Variants in PCDHGA6 observed in about 807,000 individuals in gnomAD.
The protein encoded by PCDHGA6 is protocadherin gamma subfamily A, 6, also known as protocadherin gamma-A6.
In PCDHGA6, 41 loss-of-function variants were observed where a neutral mutation model predicts 60.6. That is an observed-to-expected ratio of 0.68 (90% CI 0.53 to 0.88). The LOEUF is 0.88. PCDHGA6 is among the 40% of genes least tolerant of loss of function. The pLI is 0.00. For missense variants in PCDHGA6, 1,312 were observed against 1,203.0 expected, an observed-to-expected ratio of 1.09 and a Z score of -1.34; for synonymous variants, 594 against 524.4, an observed-to-expected ratio of 1.13 and a Z score of -1.81.
intron 1 of PCDHGA6, chr5:141,403,819 T>A (rs1264553327): frequency 1.2e-6 from 2 of 1,613,784 alleles, no homozygotes; most frequent in Admixed American, 3.3e-5. Flanking sequence ...AAAAACAATC[T>A]CTGCTATTCC....
At chr5:141,409,870 T>A (rs980871481) in intron 1 of PCDHGA6, 2 of 1,612,670 alleles carry the variant, frequency 1.2e-6, no homozygotes, top group Admixed American at 1.7e-5. Context: ...GAGACCGCAA[T>A]GACAACGCAC....
intron 2 of PCDHGA6, among the ~76,000 whole-genome samples, chr5:141,500,281 T>A (rs1254933339): frequency 2.0e-5 from 3 of 151,934 alleles, no homozygotes; most frequent in Non-Finnish European, 4.4e-5. Context: ...CAATCTCGGC[T>A]CACTGCAAGC....
intron 1 of PCDHGA6, among the ~76,000 whole-genome samples, chr5:141,455,907 ATTTATTTT>A (rs1199495676): frequency 7.1e-5 from 9 of 126,872 alleles, no homozygotes; most frequent in African/African-American, 1.1e-4. Context: ...TTATTTATTT[ATTTATTTT>A]GAGACGGAGT....
intron 1 of PCDHGA6, among the ~76,000 whole-genome samples, chr5:141,381,833 T>C (rs1385600494): frequency 7.2e-5 from 10 of 138,622 alleles, no homozygotes; most frequent in African/African-American, 2.5e-4. Context: ...CTTCTTTTTT[T>C]TTTTTTTTTT....
chr5:141,460,091 A>G (rs2098981847), intron 1 of PCDHGA6, among the ~76,000 whole-genome samples: 1 of 152,002 alleles, frequency 6.6e-6, no homozygotes, highest in Non-Finnish European at 1.5e-5. Flanking sequence ...AATAATAATT[A>G]TACATGTAAT....
At chr5:141,471,263 C>T (rs2099253826) in intron 1 of PCDHGA6, 1 of 151,898 alleles carries the variant, frequency 6.6e-6, no homozygotes, top group African/African-American at 2.4e-5. Context: ...GTTGGCAAGG[C>T]TGGTCTCAAA....
chr5:141,416,996 C>T (rs1280099812), intron 1 of PCDHGA6: 1 of 151,012 alleles, frequency 6.6e-6, no homozygotes. Flanking sequence ...GTGCATTCAT[C>T]TCAAATAATT....
At chr5:141,413,020 C>T in intron 1 of PCDHGA6, 1 of 693,768 alleles carries the variant, frequency 1.4e-6, no homozygotes, top group Non-Finnish European at 2.3e-6. Context: ...CTACACAAGC[C>T]CCACAAACCG....
intron 1 of PCDHGA6, chr5:141,385,593 C>A: frequency 8.1e-7 from 1 of 1,235,054 alleles, no homozygotes; most frequent in African/African-American, 1.6e-5. Flanking sequence ...TTCCAACCTA[C>A]TTTCTTAACT....
At chr5:141,409,919 G>A in intron 1 of PCDHGA6, 1 of 1,613,346 alleles carries the variant, frequency 6.2e-7, no homozygotes, top group Non-Finnish European at 8.5e-7. Flanking sequence ...TGACGGCTCC[G>A]CGTTCTTCGA....
intron 1 of PCDHGA6, among the ~76,000 whole-genome samples, chr5:141,445,733 T>C (rs1031885468): frequency 6.6e-6 from 1 of 152,186 alleles, no homozygotes; most frequent in Non-Finnish European, 1.5e-5. Context: ...TGTGTAAAGA[T>C]CTTTTTAAAA....
At chr5:141,424,022 AAC>A (rs1390245883) in intron 1 of PCDHGA6, 1 of 1,046,586 alleles carries the variant, frequency 9.6e-7, no homozygotes, top group Non-Finnish European at 1.2e-6. Flanking sequence ...ATGATTCACA[AAC>A]ACTTTTTATT....
At chr5:141,451,077 C>T (rs1422196268) in intron 1 of PCDHGA6, among the ~76,000 whole-genome samples, 1 of 152,098 alleles carries the variant, frequency 6.6e-6, no homozygotes, top group Admixed American at 6.6e-5. Context: ...ATCCACCCAC[C>T]TTGACCTCCC....
At chr5:141,497,223 T>G (rs921763195) in intron 2 of PCDHGA6, among the ~76,000 whole-genome samples, 14 of 151,762 alleles carry the variant, frequency 9.2e-5, no homozygotes, top group African/African-American at 3.4e-4. Context: ...GGGGGGAAGA[T>G]CAGAGAAGGC....
intron 1 of PCDHGA6, chr5:141,404,304 C>T (rs1182256144): frequency 1.2e-6 from 2 of 1,613,858 alleles, no homozygotes; most frequent in African/African-American, 2.7e-5. Flanking sequence ...AATCCACCTG[C>T]TTTCTCTCAA....
intron 1 of PCDHGA6, chr5:141,478,874 A>G: frequency 1.6e-6 from 2 of 1,276,696 alleles, no homozygotes; most frequent in Non-Finnish European, 2.1e-6. Flanking sequence ...ATCAGAGTTT[A>G]GCTTGGTATC....
At chr5:141,472,849 G>C (rs966051912) in intron 1 of PCDHGA6, among the ~76,000 whole-genome samples, 1 of 151,340 alleles carries the variant, frequency 6.6e-6, no homozygotes, top group East Asian at 2.0e-4. Flanking sequence ...AGCTGGGCAT[G>C]GTGGCACATG....
chr5:141,394,361 G>T (rs2092984834), intron 1 of PCDHGA6: 2 of 1,614,190 alleles, frequency 1.2e-6, no homozygotes, highest in Non-Finnish European at 1.7e-6. Context: ...TCCTGTATGC[G>T]CTGCAATCTT....
intron 1 of PCDHGA6, chr5:141,384,783 G>C (rs768506502): frequency 1.4e-5 from 22 of 1,613,560 alleles, no homozygotes; most frequent in East Asian, 2.2e-5. Context: ...AGGTGCGCAC[G>C]GCTCGGGCCC....
Sources: gnomAD v4.1 joint callset for allele counts (sites outside exome capture counted in the v4.1 genomes callset) on GRCh38, gnomAD v4.1.1 for gene constraint, MANE v1.5 for transcripts, NCBI Gene and HGNC (gene_info 2026-07-23, HGNC 2026-07-21) for gene names.